RIMS1: variants seen among roughly 807,000 people sequenced by gnomAD.
RIMS1 encodes regulating synaptic membrane exocytosis protein 1.
A neutral mutation model predicts 214.1 loss-of-function variants in RIMS1; 83 were observed. The ratio of observed to expected loss-of-function variants is 0.39; its 90% CI spans 0.32 to 0.47. The LOEUF is 0.47. Among genes scored for constraint, RIMS1 ranks in the 20% least tolerant of loss-of-function variants. RIMS1 has a pLI of 0.99. For missense variants in RIMS1, 2,050 were observed against 2,161.8 expected, an observed-to-expected ratio of 0.95 and a Z score of 1.03; for synonymous variants, 793 against 786.8, an observed-to-expected ratio of 1.01 and a Z score of -0.13.
At chr6:72,045,655 T>C (rs912961165) in intron 2 of RIMS1, among the ~76,000 whole-genome samples, 1 of 152,014 alleles carries the variant, frequency 6.6e-6, no homozygotes, top group Non-Finnish European at 1.5e-5. Context: ...TTGCCACAGA[T>C]GCATAGGACA....
At chr6:71,967,165 G>A (rs899454802) in intron 1 of RIMS1, among the ~76,000 whole-genome samples, 1 of 152,216 alleles carries the variant, frequency 6.6e-6, no homozygotes, top group South Asian at 2.1e-4. Context: ...AAGGCGGGTG[G>A]ATCACGAGGT....
At chr6:72,199,480 C>T (rs1212124087) in intron 6 of RIMS1, among the ~76,000 whole-genome samples, 1 of 151,850 alleles carries the variant, frequency 6.6e-6, no homozygotes, top group Non-Finnish European at 1.5e-5. Flanking sequence ...TTAGAATAAA[C>T]CCTTTTTTTC....
chr6:72,342,625 G>A (rs566612543), intron 29 of RIMS1, among the ~76,000 whole-genome samples: 1 of 129,354 alleles, frequency 7.7e-6, no homozygotes, highest in African/African-American at 2.8e-5. Flanking sequence ...AGAGTAAGAT[G>A]GGTGTGTGTG....
At chr6:71,921,341 G>A (rs529233292) in intron 1 of RIMS1, among the ~76,000 whole-genome samples, 2 of 152,152 alleles carry the variant, frequency 1.3e-5, no homozygotes, top group African/African-American at 4.8e-5. Context: ...GGCTGGTCTC[G>A]AACCCCTGAC....
chr6:72,280,356 G>A (rs1463757261), intron 23 of RIMS1, among the ~76,000 whole-genome samples: 1 of 151,862 alleles, frequency 6.6e-6, no homozygotes, highest in Non-Finnish European at 1.5e-5. Context: ...ATGAATATAG[G>A]TGGATTGTTC....
chr6:72,015,461 T>C (rs1427416767), intron 2 of RIMS1, among the ~76,000 whole-genome samples: 2 of 152,208 alleles, frequency 1.3e-5, no homozygotes, highest in African/African-American at 4.8e-5. Context: ...TAGAAGATCA[T>C]GTTATCTGCA....
chr6:71,951,718 C>T (rs539812099), intron 1 of RIMS1, among the ~76,000 whole-genome samples: 1 of 150,306 alleles, frequency 6.7e-6, no homozygotes, highest in Non-Finnish European at 1.5e-5. Context: ...AAGCTGGTCT[C>T]GAACTGTTGG....
chr6:71,918,721 C>T (rs542225552), intron 1 of RIMS1, among the ~76,000 whole-genome samples: 38 of 152,214 alleles, frequency 2.5e-4, no homozygotes, highest in African/African-American at 8.9e-4. Context: ...AAAGTCTTTG[C>T]ATAAGCCATT....
chr6:71,906,745 C>T (rs559769804), intron 1 of RIMS1, among the ~76,000 whole-genome samples: 12 of 152,210 alleles, frequency 7.9e-5, no homozygotes, highest in Admixed American at 3.3e-4. Context: ...TTAAACCCCT[C>T]CCAATTGTCT....
intron 6 of RIMS1, among the ~76,000 whole-genome samples, chr6:72,220,896 CTA>C (rs1262829896): frequency 6.6e-6 from 1 of 151,882 alleles, no homozygotes; most frequent in Non-Finnish European, 1.5e-5. Flanking sequence ...ATAGAGATCT[CTA>C]TGTAAGGTTT....
chr6:72,135,611 G>A (rs1005446227), intron 4 of RIMS1, among the ~76,000 whole-genome samples: 3 of 152,288 alleles, frequency 2.0e-5, no homozygotes, highest in East Asian at 1.9e-4. Context: ...AGCCTGAGGT[G>A]ACTTGATATC....
chr6:72,112,039 C>T (rs1048317409), intron 4 of RIMS1, among the ~76,000 whole-genome samples: 1 of 152,084 alleles, frequency 6.6e-6, no homozygotes, highest in Non-Finnish European at 1.5e-5. Flanking sequence ...TGTGTAAAAC[C>T]CAATCCCTGC....
At chr6:72,027,014 G>T (rs1476201072) in intron 2 of RIMS1, among the ~76,000 whole-genome samples, 2 of 152,142 alleles carry the variant, frequency 1.3e-5, no homozygotes, top group East Asian at 3.8e-4. Flanking sequence ...TGAGAAAAAT[G>T]AAGAACAATA....
At chr6:72,351,799 G>GA (rs2097457243) in intron 29 of RIMS1, among the ~76,000 whole-genome samples, 1 of 152,198 alleles carries the variant, frequency 6.6e-6, no homozygotes, top group Admixed American at 6.5e-5. Context: ...TTTATAACCA[G>GA]AAAAATATTT....
Position 72,154,180 on chromosome 6 carries a change from A to AT in RIMS1, c.472-25393dup, listed in dbSNP as rs1229659925. 4.2e-5 allele frequency among the ~76,000 whole-genome samples: 4 copies of AT among 95,768 alleles called. 1 individual carries two copies. Among genetic ancestry groups the AT allele is most frequent in the Non-Finnish European group, 1.1e-4 (4 of 36,014 alleles). The allele number at this position is 95,768 out of a possible 152,430, so 62.8% of individuals were successfully genotyped here. A position where few individuals can be genotyped will look rare whatever the true frequency, so the allele number is the denominator to read the frequency against. Reference sequence around the variant, plus strand: ...TACAAATTTGCATGCTAGGAGAATAATTACATGTGGAAAAAGTTATGTGTT... The same window carrying AT: ...TACAAATTTGCATGCTAGGAGAATAATTTACATGTGGAAAAAGTTATGTGTT... On this transcript the variant is annotated intron_variant, in intron 4 of 33. Transcript: ENST00000521978.
intron 4 of RIMS1, among the ~76,000 whole-genome samples, chr6:72,122,134 T>C (rs2038487269): frequency 6.6e-6 from 1 of 151,688 alleles, no homozygotes; most frequent in Non-Finnish European, 1.5e-5. Context: ...GTTGTGTCTC[T>C]GCCAGGCTTT....
chr6:71,984,284 G>A (rs77520510), intron 2 of RIMS1, among the ~76,000 whole-genome samples: 10,479 of 152,068 alleles, frequency 0.069, 451 homozygotes, highest in Middle Eastern at 0.11. Context: ...AGGGAAATGG[G>A]AAGTAAAGGT....
At chr6:72,137,734 CTTTTT>C (rs1220065879) in intron 4 of RIMS1, among the ~76,000 whole-genome samples, 1 of 128,688 alleles carries the variant, frequency 7.8e-6, no homozygotes, top group Non-Finnish European at 1.7e-5. Context: ...TCTATACAAT[CTTTTT>C]TTTTTTTTTT....
At chr6:71,887,890 A>G (rs1170475184) in intron 1 of RIMS1, among the ~76,000 whole-genome samples, 1 of 152,192 alleles carries the variant, frequency 6.6e-6, no homozygotes, top group East Asian at 1.9e-4. Context: ...TCATGGGAGA[A>G]GCTGACAGGG....
Sources: allele counts gnomAD v4.1 joint callset (sites outside exome capture counted in the v4.1 genomes callset), GRCh38; gene constraint gnomAD v4.1.1; transcripts MANE v1.5; gene names NCBI Gene and HGNC (gene_info 2026-07-23, HGNC 2026-07-21).